The following STXBP3 variants were observed in gnomAD, a reference collection of about 807,000 sequenced individuals.
STXBP3 encodes the protein syntaxin-binding protein 3.
In STXBP3, 41 loss-of-function variants were observed where a neutral mutation model predicts 85.7. That is an observed-to-expected ratio of 0.48 (90% CI 0.37 to 0.62). STXBP3 has a LOEUF of 0.62. STXBP3 is among the 20% of genes least tolerant of loss of function. STXBP3 has a pLI of 0.00. For missense variants in STXBP3, 563 were observed against 703.1 expected (o/e 0.80, Z 2.25); for synonymous variants, 229 against 231.7 (o/e 0.99, Z 0.10).
At chr1:108,788,123 G>T (rs553285693) in intron 11 of STXBP3, among the ~76,000 whole-genome samples, 1 of 152,062 alleles carries the variant, frequency 6.6e-6, no homozygotes, top group South Asian at 2.1e-4. Context: ...AGGAAATTTC[G>T]ATGTTGGATT....
intron 11 of STXBP3, among the ~76,000 whole-genome samples, chr1:108,789,297 TTTC>T (rs1368792245): frequency 1.3e-5 from 2 of 152,184 alleles, no homozygotes; most frequent in African/African-American, 4.8e-5. Flanking sequence ...ATTTGTAAAC[TTTC>T]TTAAAACATT....
At position 108,756,750 on chromosome 1, in the gene STXBP3, T is replaced by C; in HGVS notation, c.242T>C (p.Ile81Thr). 6.3e-7 allele frequency: 1 copy of C among 1,595,562 alleles called. No homozygotes were observed. The highest frequency in any genetic ancestry group is 8.5e-7 in the Non-Finnish European group (1 of 1,169,800). The part of the protein sequence containing the change: ...PVRQMKALYF[I>T]TPTSKSVDCF... ...AGACAAATGAAAGCTCTTTATTTCA[T>C]CACTCCGACATCAAAGGTGAGTATT... The change falls in exon 4 of 19, where the codon ATC (isoleucine) becomes ACC (threonine). Residue 81 changes from isoleucine to threonine, a missense_variant. Transcript: ENST00000370008.
At position 108,808,783 on chromosome 1, in the gene STXBP3, G is replaced by C; in HGVS notation, c.1685G>C (p.Gly562Ala). The C allele has an allele frequency of 6.2e-7, 1 of 1,611,710 alleles. No homozygotes were observed. The highest frequency in any genetic ancestry group is 1.1e-5 in the South Asian group (1 of 90,606). Residue 562 changes from glycine to alanine, a missense_variant and splice_region_variant, in exon 19 of 19, where the codon GGT becomes GCT. By Grantham distance (60) the Gly-to-Ala change is moderately conservative. Transcript: ENST00000370008. ...GAAAAATTCTCTTTTCTCCTACCAG[G>C]TTCTACACATGTTTTAACACCCAAA... ...QAHKSCEVII[G>A]STHVLTPKKL...
At chr1:108,790,900 AT>A (rs543885671) in intron 11 of STXBP3, among the ~76,000 whole-genome samples, 1 of 151,838 alleles carries the variant, frequency 6.6e-6, no homozygotes, top group African/African-American at 2.4e-5. Flanking sequence ...TCAAGATGTT[AT>A]TTTTTTCAGA....
In STXBP3 at chr1:108,808,808, A is replaced by G. The variant is rs753702778; in HGVS notation, c.1710A>G (p.Lys570=). 1.9e-6 allele frequency: 3 copies of G among 1,613,070 alleles called. No individual in the cohort carries two copies. In the South Asian group the frequency reaches 3.3e-5, roughly 18 times the overall value. The part of the protein sequence containing the change: ...IIGSTHVLTP[K]KLLDDIKMLN... ...GTTCTACACATGTTTTAACACCCAA[A>G]AAGCTGTTGGATGATATAAAGATGC... is the stretch of plus-strand genomic sequence containing the variant. The change falls in exon 19 of 19, where the codon AAA becomes AAG. Residue 570 remains lysine, a synonymous_variant. Coordinates refer to ENST00000370008, the MANE Select transcript of STXBP3 (RefSeq NM_007269.4).
Position 108,782,742 on chromosome 1 carries a change from A to T in STXBP3, c.963+36A>T. On this transcript the variant is annotated intron_variant, in intron 11 of 18. Coordinates refer to ENST00000370008, the MANE Select transcript of STXBP3 (RefSeq NM_007269.4). ...TACTTAACTTTCAAAGTAATAGTGA[A>T]GGTGAATTTTAAAGTTTGTTTAAAA... The T allele has an allele frequency of 2.0e-6, 3 of 1,526,536 alleles. No homozygotes were observed. In the South Asian group the frequency reaches 3.6e-5, roughly 18 times the overall value. The allele number at this position is 1,526,536 out of a possible 1,614,324, so 94.6% of individuals were successfully genotyped here. A position where few individuals can be genotyped will look rare whatever the true frequency, so the allele number is the denominator to read the frequency against.
At chr1:108,747,974 A>G (rs1022424020) in intron 1 of STXBP3, among the ~76,000 whole-genome samples, 2 of 152,216 alleles carry the variant, frequency 1.3e-5, no homozygotes, top group Non-Finnish European at 2.9e-5. Context: ...TCCAAGATAT[A>G]TATGTGATTA....
intron 3 of STXBP3, among the ~76,000 whole-genome samples, chr1:108,754,608 A>C (rs905898360): frequency 1.3e-5 from 2 of 152,144 alleles, no homozygotes; most frequent in African/African-American, 4.8e-5. Flanking sequence ...TTTGTAGACC[A>C]TTGTTTCTTA....
Position 108,773,749 on chromosome 1 carries a change from G to A in STXBP3, c.593+930G>A, listed in dbSNP as rs564106504. ...CATGCTGCACATCTTTGGGATGTGG[G>A]AGGAAACCAGAGTACCAGGAGAAAA... On this transcript the variant is annotated intron_variant, in intron 7 of 18. Coordinates refer to ENST00000370008, the MANE Select transcript of STXBP3 (RefSeq NM_007269.4). Among the ~76,000 whole-genome samples, 10 of 152,256 alleles carry A rather than the reference G, an allele frequency of 6.6e-5. No homozygotes were observed. The South Asian group carries it at 8.3e-4, about 13-fold the overall frequency.
chr1:108,772,831 A>C lies in STXBP3; in HGVS notation c.593+12A>C. On this transcript the variant is annotated intron_variant, in intron 7 of 18. Coordinates refer to ENST00000370008, the MANE Select transcript of STXBP3 (RefSeq NM_007269.4). ...GTAAGATATAAAAGGTAAGACACTG[A>C]GCATCTGCACATGTTATGCTTCCTA... The C allele has an allele frequency of 4.4e-6, 7 of 1,575,236 alleles. No individual in the cohort carries two copies. The highest frequency in any genetic ancestry group is 6.0e-6 in the Non-Finnish European group (7 of 1,157,788).
At chr1:108,804,936 T>C (rs911072134) in intron 17 of STXBP3, among the ~76,000 whole-genome samples, 5 of 152,266 alleles carry the variant, frequency 3.3e-5, no homozygotes, top group African/African-American at 1.2e-4. Context: ...TTCTAGTATT[T>C]AGCTTCCTTT....
chr1:108,774,733 C>T (rs938336066), intron 7 of STXBP3, among the ~76,000 whole-genome samples: 1 of 150,066 alleles, frequency 6.7e-6, no homozygotes, highest in Admixed American at 6.7e-5. Context: ...CCTGCCTCTG[C>T]CTCCCAAAGT....
rs1365893600 is a variant in STXBP3, at chr1:108,772,679, T to C, written c.453T>C (p.Asp151=). The change falls in exon 7 of 19, where the codon GAT becomes GAC. Residue 151 remains aspartate, a synonymous_variant. Transcript: ENST00000370008. ...TCTTAACTTAGGTGTATACTCTTGA[T>C]GTACCAGATGCATTCTATTACTGTT... The part of the protein sequence containing the change: ...IPHESQVYTL[D]VPDAFYYCYS... The C allele has an allele frequency of 1.3e-6, 2 of 1,513,420 alleles. No homozygotes were observed. Among genetic ancestry groups the C allele is most frequent in the African/African-American group, 2.8e-5 (2 of 71,200 alleles). The allele number at this position is 1,513,420 out of a possible 1,614,324, so 93.7% of individuals were successfully genotyped here. A position where few individuals can be genotyped will look rare whatever the true frequency, so the allele number is the denominator to read the frequency against.
chr1:108,805,884 C>T (rs1425930158), intron 17 of STXBP3, among the ~76,000 whole-genome samples: 1 of 152,066 alleles, frequency 6.6e-6, no homozygotes, highest in Non-Finnish European at 1.5e-5. Context: ...GTAGCCTAGG[C>T]AACATAGCAA....
At chr1:108,749,770 G>A (rs872338) in intron 1 of STXBP3, among the ~76,000 whole-genome samples, 1 of 151,936 alleles carries the variant, frequency 6.6e-6, no homozygotes, top group East Asian at 1.9e-4. Context: ...TTATTTTTTC[G>A]TCTGGCAGAC....
At chr1:108,746,937 C>G (rs1661797659) in intron 1 of STXBP3, 151 bp downstream of exon 1, 1 of 766,560 alleles carries the variant, frequency 1.3e-6, no homozygotes, top group South Asian at 1.6e-5. Flanking sequence ...TCCTGCTTTC[C>G]TGCCCTGCCT....
chr1:108,807,080 T>C (rs954450875), intron 17 of STXBP3, among the ~76,000 whole-genome samples: 1 of 152,058 alleles, frequency 6.6e-6, no homozygotes, highest in Non-Finnish European at 1.5e-5. Flanking sequence ...GGTGAAACCC[T>C]GTCTCTACTA....
intron 17 of STXBP3, among the ~76,000 whole-genome samples, chr1:108,803,718 A>T (rs1663275530): frequency 1.3e-5 from 2 of 151,986 alleles, no homozygotes; most frequent in Non-Finnish European, 2.9e-5. Flanking sequence ...CAAACTCCTG[A>T]CCTTTGATCT....
At chr1:108,765,130 T>G (rs1662231949) in intron 6 of STXBP3, among the ~76,000 whole-genome samples, 1 of 152,216 alleles carries the variant, frequency 6.6e-6, no homozygotes, top group Non-Finnish European at 1.5e-5. Flanking sequence ...ATTTATTGAT[T>G]AGGGAGTCCT....
Sources: allele counts gnomAD v4.1 joint callset (sites outside exome capture counted in the v4.1 genomes callset), GRCh38; gene constraint gnomAD v4.1.1; transcripts MANE v1.5; gene names NCBI Gene and HGNC (gene_info 2026-07-23, HGNC 2026-07-21).